Variants in CHRNA6 observed in about 807,000 individuals in gnomAD.
CHRNA6 encodes cholinergic receptor nicotinic alpha 6 subunit.
CHRNA6 carries 31 observed loss-of-function variants against 40.9 expected under a neutral mutation model. The observed-to-expected ratio is 0.76, with a 90% CI of 0.57 to 1.02. The LOEUF is 1.02. Among genes scored for constraint, CHRNA6 ranks in the 50% least tolerant of loss-of-function variants. The pLI is 0.00. For synonymous variants in CHRNA6, 222 were observed against 221.3 expected (o/e 1.00, Z -0.03); for missense variants, 546 against 596.6 (o/e 0.92, Z 0.88).
At chr8:42,764,739 A>G (rs892076957) in intron 2 of CHRNA6, among the ~76,000 whole-genome samples, 6 of 152,172 alleles carry the variant, frequency 3.9e-5, no homozygotes. Flanking sequence ...CTGAGCTTCC[A>G]TTTCCTCAGC....
intron 5 of CHRNA6, among the ~76,000 whole-genome samples, chr8:42,754,921 C>T (rs1032558229): frequency 6.6e-6 from 1 of 152,154 alleles, no homozygotes; most frequent in Non-Finnish European, 1.5e-5. Context: ...TGCACTCTCG[C>T]CCTCTCCCAC....
chr8:42,766,351 G>T (rs1351102194), intron 1 of CHRNA6, among the ~76,000 whole-genome samples: 1 of 152,120 alleles, frequency 6.6e-6, no homozygotes, highest in African/African-American at 2.4e-5. Flanking sequence ...ACTTAGTCGG[G>T]CATGGTGGTG....
chr8:42,766,258 T>C (rs974131823), intron 1 of CHRNA6, among the ~76,000 whole-genome samples: 1 of 152,120 alleles, frequency 6.6e-6, no homozygotes, highest in African/African-American at 2.4e-5. Flanking sequence ...TTTGGAAGGC[T>C]GAGGCGGTTG....
chr8:42,765,701 A>G (rs1176383484), intron 1 of CHRNA6, among the ~76,000 whole-genome samples: 1 of 152,240 alleles, frequency 6.6e-6, no homozygotes, highest in Non-Finnish European at 1.5e-5. Flanking sequence ...AACTGAAATA[A>G]CTAGTAATTT....
In CHRNA6 at chr8:42,756,293, C is replaced by A. The variant is rs767679720; in HGVS notation, c.906G>T (p.Leu302=). The change falls in exon 5 of 6, where the codon CTG becomes CTT. Residue 302 remains leucine (L), a synonymous_variant. Transcript: ENST00000276410. ...TIPSTSLVVP[L]VGEYLLFTMI... ...TGGTGAACAGCAGGTACTCACCCAC[C>A]AGTGGGACCACCAGAGATGTGGATG... 1 of 1,614,212 alleles carries A rather than the reference C, an allele frequency of 6.2e-7. No individual in the cohort carries two copies. The highest frequency in any genetic ancestry group is 1.7e-5 in the Admixed American group (1 of 60,022).
chr8:42,756,319 G>A lies in CHRNA6; in HGVS notation c.880C>T (p.Pro294Ser). ...VFLLVITETIPSTSLVVPLVG... is the reference protein window; with the variant it reads ...VFLLVITETISSTSLVVPLVG... The stretch of plus-strand genomic sequence containing the variant: ...AGTGGGACCACCAGAGATGTGGATG[G>A]GATGGTTTCTGTGATGACCAGCAAA... The change falls in exon 5 of 6, where the codon CCA becomes TCA. Residue 294 changes from proline to serine, a missense_variant. Coordinates refer to ENST00000276410, the MANE Select transcript of CHRNA6 (RefSeq NM_004198.3). 1.2e-6 allele frequency: 2 copies of A among 1,614,230 alleles called. No individual in the cohort carries two copies. The highest frequency in any genetic ancestry group is 1.7e-6 in the Non-Finnish European group (2 of 1,180,042).
Position 42,768,532 on chromosome 8 carries a change from C to G in CHRNA6, c.-102G>C, listed in dbSNP as rs571650824. 3.1e-5 allele frequency: 24 copies of G among 768,752 alleles called. No homozygotes were observed. The highest frequency in any genetic ancestry group is 2.1e-4 in the Admixed American group (10 of 47,270). 47.6% of individuals were successfully genotyped at this position (768,752 alleles called of 1,614,324 possible). A position where few individuals can be genotyped will look rare whatever the true frequency, so the allele number is the denominator to read the frequency against. ...ATCCAACCTTGACATCATCAGAAGC[C>G]CACTGCAATCCGTGTGTGTCTTCTC... On this transcript the variant is annotated 5_prime_UTR_variant, in exon 1 of 6. Transcript: ENST00000276410.
In CHRNA6 at chr8:42,753,148, G is replaced by A. The variant is rs763145825; in HGVS notation, c.*31C>T. ...GGAATGCAGAACAAATATGGTGTCTGTAAATTTCTGAACATAAAAGAAAAT... is the reference window on the plus strand; with the variant it reads ...GGAATGCAGAACAAATATGGTGTCTATAAATTTCTGAACATAAAAGAAAAT... On this transcript the variant is annotated 3_prime_UTR_variant, in exon 6 of 6. Coordinates refer to ENST00000276410, the MANE Select transcript of CHRNA6 (RefSeq NM_004198.3). 1.3e-6 allele frequency: 2 copies of A among 1,578,978 alleles called. No individual in the cohort carries two copies. The highest frequency in any genetic ancestry group is 4.5e-5 in the East Asian group (2 of 44,634).
intron 2 of CHRNA6, 101 bp downstream of exon 2, chr8:42,764,964 C>T: frequency 6.1e-6 from 8 of 1,315,062 alleles, no homozygotes; most frequent in Non-Finnish European, 7.4e-6. Flanking sequence ...AGGGCCAGAT[C>T]TCGTGTAGAT....
At chr8:42,768,314 A>T in intron 1 of CHRNA6, 38 bp downstream of exon 1, 1 of 1,512,242 alleles carries the variant, frequency 6.6e-7, no homozygotes, top group Non-Finnish European at 9.2e-7. Context: ...ACATGTAGCT[A>T]AAAAGGGAAT....
At chr8:42,759,822 C>T (rs539868405) in intron 2 of CHRNA6, among the ~76,000 whole-genome samples, 47 of 151,438 alleles carry the variant, frequency 3.1e-4, no homozygotes, top group Non-Finnish European at 1.5e-5. Flanking sequence ...ATTGCTTGAA[C>T]CAGGGAGGTG....
chr8:42,763,461 G>A (rs1386529298), intron 2 of CHRNA6, among the ~76,000 whole-genome samples: 1 of 152,194 alleles, frequency 6.6e-6, no homozygotes, highest in Non-Finnish European at 1.5e-5. Context: ...AAATGTAAAT[G>A]TCAAAATCTG....
At chr8:42,763,530 C>T (rs1301042711) in intron 2 of CHRNA6, among the ~76,000 whole-genome samples, 1 of 152,158 alleles carries the variant, frequency 6.6e-6, no homozygotes, top group Non-Finnish European at 1.5e-5. Flanking sequence ...GTGTGTCCAG[C>T]AGGGTTATGG....
rs967179925 is a variant in CHRNA6, at chr8:42,756,075, G to A, written c.1124C>T (p.Ala375Val). ...TGSDAVPRGL[A>V]RRPAKGKLAS... ...AAGCTTGCCTTTGGCAGGCCTCCTGGCAAGGCCTCTGGGCACTGCATCAGA... is the reference window on the plus strand; with the variant it reads ...AAGCTTGCCTTTGGCAGGCCTCCTGACAAGGCCTCTGGGCACTGCATCAGA... Residue 375 changes from alanine to valine, a missense_variant, in exon 5 of 6, where the codon GCC becomes GTC. Around this residue, in one of 3 missense-constraint regions of CHRNA6, gnomAD observed 476 missense variants for 494.5 expected, o/e 0.96. Transcript: ENST00000276410. 2 of 1,614,204 alleles carry A rather than the reference G, an allele frequency of 1.2e-6. No individual in the cohort carries two copies. The highest frequency in any genetic ancestry group is 1.7e-6 in the Non-Finnish European group (2 of 1,180,018).
rs750039431 is a variant in CHRNA6 at position 42,756,767 on chromosome 8, G to C, written c.432C>G (p.Gly144=). The change falls in exon 5 of 6, where the codon GGC becomes GGG. Residue 144 remains glycine, a synonymous_variant. Transcript: ENST00000276410. ...GKTKALLKYN[G]MITWTPPAIF... Reference sequence around the variant, plus strand: ...TAGCTGGTGGAGTCCAGGTTATCATGCCATTGTATTTAAGAAGAGCTTTTG... The same window carrying C: ...TAGCTGGTGGAGTCCAGGTTATCATCCCATTGTATTTAAGAAGAGCTTTTG... 3 of 1,610,856 alleles carry C rather than the reference G, an allele frequency of 1.9e-6. No homozygotes were observed. Among genetic ancestry groups the C allele is most frequent in the South Asian group, 2.2e-5 (2 of 90,162 alleles).
intron 2 of CHRNA6, among the ~76,000 whole-genome samples, chr8:42,761,820 C>A (rs572226821): frequency 1.3e-5 from 2 of 152,326 alleles, no homozygotes; most frequent in East Asian, 3.9e-4. Context: ...ATTGACACAG[C>A]AGCTGCATCA....
At chr8:42,757,094 G>A in intron 3 of CHRNA6, 57 bp from the exon 4 acceptor site, 2 of 1,312,098 alleles carry the variant, frequency 1.5e-6, no homozygotes, top group Non-Finnish European at 2.2e-6. Flanking sequence ...GGCCAGGCAT[G>A]GTGGCTCACG....
chr8:42,760,480 A>G (rs1816888078), intron 2 of CHRNA6, among the ~76,000 whole-genome samples: 1 of 150,916 alleles, frequency 6.6e-6, no homozygotes, highest in South Asian at 2.1e-4. Context: ...ACTGGTGCAT[A>G]CTCACTCATG....
chr8:42,765,306 C>T, intron 1 of CHRNA6, 102 bp from the exon 2 acceptor site: 1 of 1,265,084 alleles, frequency 7.9e-7, no homozygotes, highest in Non-Finnish European at 1.1e-6. Flanking sequence ...GCGAATGTCC[C>T]AGCCCATGAC....
Sources: gnomAD v4.1 joint callset for allele counts (sites outside exome capture counted in the v4.1 genomes callset) on GRCh38, gnomAD v4.1.1 for gene constraint, gnomAD v4.1.1 regional missense constraint, MANE v1.5 for transcripts, NCBI Gene and HGNC (gene_info 2026-07-23, HGNC 2026-07-21) for gene names.